PTPRD: variants seen among roughly 807,000 people sequenced by gnomAD.
PTPRD encodes protein tyrosine phosphatase receptor type D.
PTPRD carries 34 observed loss-of-function variants against 214.5 expected under a neutral mutation model. The ratio of observed to expected loss-of-function variants is 0.16; its 90% confidence interval spans 0.12 to 0.21. The LOEUF (loss-of-function observed/expected upper bound fraction) is 0.21, where lower values mean the gene tolerates loss of function less well. PTPRD is among the 10% of genes least tolerant of loss of function. PTPRD has a pLI of 1.00. For synonymous variants in PTPRD, 1,128 were observed against 845.7 expected (o/e 1.33, Z -5.79); for missense variants, 2,545 against 2,398.7 (o/e 1.06, Z -1.27).
chr9:10,611,905 G>C (rs1466711210), intron 2 of PTPRD, among the ~76,000 whole-genome samples: 305 of 127,966 alleles, frequency 2.4e-3, no homozygotes, highest in Middle Eastern at 4.3e-3. Context: ...TCCCTTTTCC[G>C]CCCCCCCCCC....
chr9:9,831,577 G>A (rs1413167300), intron 5 of PTPRD, among the ~76,000 whole-genome samples: 6 of 151,928 alleles, frequency 3.9e-5, no homozygotes, highest in Admixed American at 3.9e-4. Flanking sequence ...TCCTGTAGGA[G>A]TTGACTTGCA....
At chr9:9,898,468 TTTTA>T (rs139685503) in intron 5 of PTPRD, among the ~76,000 whole-genome samples, 2,146 of 152,202 alleles carry the variant, frequency 0.014, 58 homozygotes, top group African/African-American at 0.049. Flanking sequence ...TTTATTGACA[TTTTA>T]TTTAACAGAG....
intron 5 of PTPRD, among the ~76,000 whole-genome samples, chr9:9,901,800 GGC>G (rs909172240): frequency 4.6e-5 from 7 of 152,118 alleles, no homozygotes; most frequent in Non-Finnish European, 1.0e-4. Flanking sequence ...TTACAATCAT[GGC>G]AGAAGGCAAA....
intron 7 of PTPRD, among the ~76,000 whole-genome samples, chr9:9,637,562 T>C (rs1372344917): frequency 3.9e-5 from 6 of 152,220 alleles, no homozygotes; most frequent in Admixed American, 3.3e-4. Flanking sequence ...GGGGTGGATG[T>C]GGTTCCCCTA....
At chr9:8,572,645 G>C (rs1233379147) in intron 14 of PTPRD, among the ~76,000 whole-genome samples, 1 of 151,960 alleles carries the variant, frequency 6.6e-6, no homozygotes, top group Non-Finnish European at 1.5e-5. Flanking sequence ...TAACTGCTTA[G>C]AGAGGTACTT....
intron 3 of PTPRD, among the ~76,000 whole-genome samples, chr9:10,210,860 C>T (rs2099513862): frequency 7.2e-6 from 1 of 138,842 alleles, no homozygotes; most frequent in Non-Finnish European, 1.5e-5. Flanking sequence ...CCACTTCTTA[C>T]TCTGCTTGAA....
chr9:9,245,430 T>C (rs1266613433), intron 9 of PTPRD, among the ~76,000 whole-genome samples: 3 of 152,134 alleles, frequency 2.0e-5, no homozygotes, highest in Non-Finnish European at 4.4e-5. Context: ...CACGGAGTAC[T>C]ATGCAGCCAT....
chr9:8,901,484 T>G (rs992643912), intron 11 of PTPRD, among the ~76,000 whole-genome samples: 1 of 152,216 alleles, frequency 6.6e-6, no homozygotes, highest in African/African-American at 2.4e-5. Context: ...AACAGCAGCA[T>G]GCGATAAGTA....
At position 8,549,123 on chromosome 9, in the gene PTPRD, T is replaced by C. The variant is rs2081235190; in HGVS notation, c.353-20344A>G. ...TAGGTAGTTACTATATTAGTTTAAATGTGAGATGATAAAGTCTATGTGCGG... is the reference window on the plus strand; with the variant it reads ...TAGGTAGTTACTATATTAGTTTAAACGTGAGATGATAAAGTCTATGTGCGG... On this transcript the variant is annotated intron_variant, in intron 14 of 45. Coordinates refer to ENST00000381196, the MANE Select transcript of PTPRD (RefSeq NM_002839.4). 2.0e-5 allele frequency among the ~76,000 whole-genome samples: 3 copies of C among 152,106 alleles called. 1 individual carries two copies. In the South Asian group the frequency reaches 6.2e-4, roughly 31 times the overall value.
At chr9:10,121,423 G>A (rs116048169) in intron 3 of PTPRD, among the ~76,000 whole-genome samples, 2,252 of 152,194 alleles carry the variant, frequency 0.015, 59 homozygotes, top group African/African-American at 0.051. Context: ...GAATTGATGT[G>A]GCCAAAAGTG....
At chr9:8,516,470 T>C (rs984645001) in intron 21 of PTPRD, among the ~76,000 whole-genome samples, 9 of 152,196 alleles carry the variant, frequency 5.9e-5, no homozygotes, top group Admixed American at 1.3e-4. Context: ...AAATGTGCTC[T>C]GAGATTCCTA....
At chr9:10,010,215 T>C (rs1421496878) in intron 4 of PTPRD, among the ~76,000 whole-genome samples, 1 of 151,952 alleles carries the variant, frequency 6.6e-6, no homozygotes, top group Non-Finnish European at 1.5e-5. Context: ...GCAATCCACA[T>C]GTCTCCAAAC....
intron 9 of PTPRD, among the ~76,000 whole-genome samples, chr9:9,366,380 T>C (rs1032847018): frequency 4.0e-5 from 6 of 151,540 alleles, no homozygotes; most frequent in Non-Finnish European, 7.4e-5. Context: ...CTTGAATCAT[T>C]GAGAGTAGGT....
Position 8,486,181 on chromosome 9 carries a change from T to C in PTPRD, c.2636A>G (p.His879Arg), listed in dbSNP as rs777227782. The C allele has an allele frequency of 1.9e-6, 3 of 1,614,190 alleles. No homozygotes were observed. Among genetic ancestry groups the C allele is most frequent in the East Asian group, 4.5e-5 (2 of 44,874 alleles). Residue 879 changes from histidine (H) to arginine (R), a missense_variant, in exon 28 of 46, where the codon CAC becomes CGC. His to Arg is a conservative substitution (Grantham distance 29). Coordinates refer to ENST00000381196, the MANE Select transcript of PTPRD (RefSeq NM_002839.4). ...TTLEFSEKED[H>R]FTATDIHKGA... ...CTTGTGGATGTCTGTAGCTGTAAAGTGATCTTCTTTTTCAGAGAACTCAAG... is the reference window on the plus strand; with the variant it reads ...CTTGTGGATGTCTGTAGCTGTAAAGCGATCTTCTTTTTCAGAGAACTCAAG...
intron 12 of PTPRD, among the ~76,000 whole-genome samples, chr9:8,673,350 G>A (rs1209534269): frequency 1.3e-5 from 2 of 152,064 alleles, no homozygotes; most frequent in Non-Finnish European, 2.9e-5. Flanking sequence ...GGCTCCATCT[G>A]CCTAATTATA....
chr9:8,836,261 G>C (rs1007756402), intron 11 of PTPRD, among the ~76,000 whole-genome samples: 6 of 152,054 alleles, frequency 3.9e-5, no homozygotes, highest in Non-Finnish European at 8.8e-5. Context: ...AAATTTGAGT[G>C]TTTTGATAGT....
At chr9:9,497,673 C>G (rs1287728081) in intron 8 of PTPRD, among the ~76,000 whole-genome samples, 1 of 152,136 alleles carries the variant, frequency 6.6e-6, no homozygotes, top group Non-Finnish European at 1.5e-5. Flanking sequence ...GAAATAGGAA[C>G]ATTATCTCAT....
At chr9:9,269,268 T>C (rs1941707913) in intron 9 of PTPRD, among the ~76,000 whole-genome samples, 1 of 151,234 alleles carries the variant, frequency 6.6e-6, no homozygotes. Context: ...CTCAACATCA[T>C]CAATCATCGG....
At chr9:9,953,492 G>GGA (rs1231348828) in intron 4 of PTPRD, among the ~76,000 whole-genome samples, 1 of 131,722 alleles carries the variant, frequency 7.6e-6, no homozygotes, top group Non-Finnish European at 1.6e-5. Context: ...AGGGAATTGT[G>GGA]GACACACACA....
Sources: gnomAD v4.1 joint callset for allele counts (sites outside exome capture counted in the v4.1 genomes callset) on GRCh38, gnomAD v4.1.1 for gene constraint, MANE v1.5 for transcripts, NCBI Gene and HGNC (gene_info 2026-07-23, HGNC 2026-07-21) for gene names.